Variants in TRIM49B observed in about 807,000 individuals in gnomAD.
TRIM49B encodes the protein putative tripartite motif-containing protein 49B.
TRIM49B carries 18 observed loss-of-function variants against 31.8 expected under a neutral mutation model. That is an observed-to-expected ratio of 0.57 (90% CI 0.39 to 0.84). The LOEUF (loss-of-function observed/expected upper bound fraction) is 0.84, where lower values mean the gene tolerates loss of function less well. TRIM49B is among the 40% of genes least tolerant of loss of function. TRIM49B has a pLI of 0.00. For synonymous variants in TRIM49B, 196 were observed against 180.6 expected (o/e 1.09, Z -0.68); for missense variants, 494 against 538.7 (o/e 0.92, Z 0.82).
chr11:49,035,046 A>G, intron 4 of TRIM49B, 49 bp from the exon 5 acceptor site: 1 of 1,590,728 alleles, frequency 6.3e-7, no homozygotes, highest in Non-Finnish European at 8.6e-7. Flanking sequence ...TTAGTGAAAG[A>G]TGCATCTTGT....
chr11:49,032,498 C>G lies in TRIM49B; in HGVS notation c.507+127C>G. On this transcript the variant is annotated intron_variant, in intron 3 of 6. Transcript: ENST00000332682. ...CAGTAAAAAAAAAAGAAAAAAAAAG[C>G]GAGAGAAAACATTGAGAAAAAGTGG... The G allele has an allele frequency of 2.6e-6, 4 of 1,517,520 alleles. No individual in the cohort carries two copies. In the Admixed American group the frequency reaches 9.7e-5, roughly 37 times the overall value. 94.0% of individuals were successfully genotyped at this position (1,517,520 alleles called of 1,614,324 possible).
chr11:49,031,796 C>T lies in TRIM49B; in HGVS notation c.197C>T (p.Thr66Ile), dbSNP rs2134696193. ...TCAACAGGGCAGATAAACCTCAAAA[C>T]CAACATTCATTTCAAGAAGATGGCT... Reference protein sequence around the residue: ...TKSTGQINLKTNIHFKKMASL... With the variant: ...TKSTGQINLKINIHFKKMASL... Residue 66 changes from threonine (T) to isoleucine (I), a missense_variant, in exon 2 of 7, where the codon ACC becomes ATC. Physicochemically the swap from Thr to Ile is moderately conservative, Grantham distance 89 (BLOSUM62 -1). Coordinates refer to ENST00000332682, the MANE Select transcript of TRIM49B (RefSeq NM_001206626.2). 1 of 1,613,990 alleles carries T rather than the reference C, an allele frequency of 6.2e-7. No individual in the cohort carries two copies. Among genetic ancestry groups the T allele is most frequent in the Non-Finnish European group, 8.5e-7 (1 of 1,179,878 alleles).
intron 1 of TRIM49B, among the ~76,000 whole-genome samples, chr11:49,030,277 C>G (rs1382046588): frequency 6.6e-6 from 1 of 152,118 alleles, no homozygotes; most frequent in African/African-American, 2.4e-5. Context: ...GCGCAGGTTA[C>G]AGTGAGCCGA....
rs1349147581 is a variant in TRIM49B, at chr11:49,037,466, T to C, written c.860-12T>C. 1.3e-6 allele frequency: 2 copies of C among 1,597,592 alleles called. No homozygotes were observed. Among genetic ancestry groups the C allele is most frequent in the African/African-American group, 1.4e-5 (1 of 73,644 alleles). On this transcript the variant is annotated splice_polypyrimidine_tract_variant and intron_variant, in intron 6 of 6. Transcript: ENST00000332682. ...TTTACACGTCTATGCATGTTTTCTC[T>C]TTTTTTTGCAGTGCATATTACTCTG... is the stretch of plus-strand genomic sequence containing the variant.
At chr11:49,029,640 T>C (rs4291676) in intron 1 of TRIM49B, among the ~76,000 whole-genome samples, 122,857 of 152,188 alleles carry the variant, frequency 0.81, 49,911 homozygotes, top group African/African-American at 0.83. Flanking sequence ...GAAGTGATAT[T>C]AAACTAGCAG....
rs772133162 is a variant in TRIM49B, at chr11:49,031,707, G to A, written c.108G>A (p.Arg36=). 1 of 1,613,950 alleles carries A rather than the reference G, an allele frequency of 6.2e-7. No individual in the cohort carries two copies. The highest frequency in any genetic ancestry group is 8.5e-7 in the Non-Finnish European group (1 of 1,179,868). Residue 36 remains arginine (R), a synonymous_variant, in exon 2 of 7, where the codon AGG becomes AGA. Transcript: ENST00000332682. The part of the protein sequence containing the change: ...VTIDCGHSFC[R]PCFYLNWKDS... ...TAGACTGTGGGCACAGCTTTTGCAG[G>A]CCTTGTTTCTACCTCAACTGGAAAG...
rs577170011 is a variant in TRIM49B at position 49,034,257 on chromosome 11, G to T, written c.619G>T (p.Asp207Tyr). The change falls in exon 4 of 7, where the codon GAT becomes TAT. Residue 207 changes from aspartate (D) to tyrosine (Y), a missense_variant. This residue lies in a region of TRIM49B where 10 missense variants were observed against 24.5 expected (regional missense o/e 0.41). Transcript: ENST00000332682. The stretch of plus-strand genomic sequence containing the variant: ...GGAGATGCTGAAAAAGAAGGGGAAA[G>T]ATATTTTTCATCGACTTCATTTAAG... Reference protein sequence around the residue: ...NLEMLKKKGKDIFHRLHLSKA... With the variant: ...NLEMLKKKGKYIFHRLHLSKA... 2 of 1,611,952 alleles carry T rather than the reference G, an allele frequency of 1.2e-6. No individual in the cohort carries two copies. The highest frequency in any genetic ancestry group is 4.5e-5 in the East Asian group (2 of 44,862).
At chr11:49,031,447 A>G in intron 1 of TRIM49B, 149 bp from the exon 2 acceptor site, 1 of 1,422,966 alleles carries the variant, frequency 7.0e-7, no homozygotes, top group South Asian at 1.4e-5. Flanking sequence ...CTATGTGTAA[A>G]TTTTTAAGTT....
chr11:49,036,281 C>A lies in TRIM49B; in HGVS notation c.762-20C>A, dbSNP rs181376455. ...TATTTTATGGCTGTAGATGTTGTAACTGCAGGTTTTTCCTTGCAGGAGTGA... is the reference window on the plus strand; with the variant it reads ...TATTTTATGGCTGTAGATGTTGTAAATGCAGGTTTTTCCTTGCAGGAGTGA... On this transcript the variant is annotated intron_variant, in intron 5 of 6. Transcript: ENST00000332682. The A allele has an allele frequency of 4.8e-4, 744 of 1,565,862 alleles. 4 individuals carry two copies. In the African/African-American group the frequency reaches 9.3e-3, roughly 20 times the overall value.
intron 4 of TRIM49B, 46 bp downstream of exon 4, chr11:49,034,422 A>G (rs755327241): frequency 3.7e-6 from 6 of 1,611,874 alleles, no homozygotes; most frequent in Admixed American, 1.7e-5. Context: ...ATTCACATGT[A>G]TAAGTATTTT....
Position 49,036,110 on chromosome 11 carries a change from G to A in TRIM49B, c.762-191G>A, listed in dbSNP as rs1196575167. Among the ~76,000 whole-genome samples the A allele has an allele frequency of 3.3e-5, 5 of 151,988 alleles. No homozygotes were observed. In the South Asian group the frequency reaches 1.0e-3, roughly 31 times the overall value. Reference sequence around the variant, plus strand: ...AAAAAGAAGGATCAGATTGAATTCTGGCTTAGATTCTTCCATCATGCTTAA... The same window carrying A: ...AAAAAGAAGGATCAGATTGAATTCTAGCTTAGATTCTTCCATCATGCTTAA... On this transcript the variant is annotated intron_variant, in intron 5 of 6. Coordinates refer to ENST00000332682, the MANE Select transcript of TRIM49B (RefSeq NM_001206626.2).
Position 49,031,865 on chromosome 11 carries a change from A to C in TRIM49B, c.266A>C (p.Glu89Ala). Residue 89 changes from glutamate (E) to alanine (A), a missense_variant, in exon 2 of 7, where the codon GAG becomes GCG. Glu to Ala is a moderately radical substitution (Grantham distance 107). This residue lies in a region of TRIM49B where 251 missense variants were observed against 232.8 expected (regional missense o/e 1.08). Coordinates refer to ENST00000332682, the MANE Select transcript of TRIM49B (RefSeq NM_001206626.2). ...AGTCTCTGGCTATTCCTGAGCTCTG[A>C]GGAGCAAATGTGTGGCACTCACAGG... ...KVSLWLFLSS[E>A]EQMCGTHRET... The C allele has an allele frequency of 1.2e-6, 2 of 1,613,792 alleles. No homozygotes were observed. Among genetic ancestry groups the C allele is most frequent in the Non-Finnish European group, 1.7e-6 (2 of 1,179,876 alleles).
intron 1 of TRIM49B, among the ~76,000 whole-genome samples, chr11:49,029,212 A>G (rs998594248): frequency 5.9e-5 from 9 of 152,236 alleles, no homozygotes; most frequent in East Asian, 3.8e-4. Flanking sequence ...ATATGTATTC[A>G]TAATGAATAT....
Position 49,032,330 on chromosome 11 carries a change from A to C in TRIM49B, c.466A>C (p.Arg156=). 6.2e-7 allele frequency: 1 copy of C among 1,613,476 alleles called. No homozygotes were observed. The highest frequency in any genetic ancestry group is 1.1e-5 in the South Asian group (1 of 91,048). ...SLWEKACENH[R]NLNVETTRTR... The stretch of plus-strand genomic sequence containing the variant: ...GTGGGAAAAAGCTTGTGAAAATCAC[A>C]GAAACCTGAATGTGGAAACCACCAG... Residue 156 remains arginine (R), a synonymous_variant, in exon 3 of 7, where the codon AGA becomes CGA. Coordinates refer to ENST00000332682, the MANE Select transcript of TRIM49B (RefSeq NM_001206626.2).
At position 49,032,328 on chromosome 11, in the gene TRIM49B, A is replaced by G. The variant is rs781200105; in HGVS notation, c.464A>G (p.His155Arg). ...QSLWEKACEN[H>R]RNLNVETTRT... ...TTGTGGGAAAAAGCTTGTGAAAATCACAGAAACCTGAATGTGGAAACCACC... is the reference window on the plus strand; with the variant it reads ...TTGTGGGAAAAAGCTTGTGAAAATCGCAGAAACCTGAATGTGGAAACCACC... The change falls in exon 3 of 7, where the codon CAC becomes CGC. Residue 155 changes from histidine (H) to arginine (R), a missense_variant. His to Arg is a conservative substitution (Grantham distance 29). This residue lies in a region of TRIM49B where 251 missense variants were observed against 232.8 expected (regional missense o/e 1.08). Transcript: ENST00000332682. 8.7e-6 allele frequency: 14 copies of G among 1,613,244 alleles called. No individual in the cohort carries two copies. In the African/African-American group the frequency reaches 1.7e-4, roughly 20 times the overall value.
chr11:49,036,561 C>T (rs2696916), intron 6 of TRIM49B, among the ~76,000 whole-genome samples, 163 bp downstream of exon 6: 89,271 of 151,308 alleles, frequency 0.59, 27,428 homozygotes, highest in Non-Finnish European at 0.68. Flanking sequence ...TATTTACAGT[C>T]AGATTTATAG....
At chr11:49,030,171 TA>T (rs1381827407) in intron 1 of TRIM49B, among the ~76,000 whole-genome samples, 2 of 151,608 alleles carry the variant, frequency 1.3e-5, no homozygotes, top group African/African-American at 4.8e-5. Flanking sequence ...CCATCTCTAC[TA>T]AAAAAAATAC....
At chr11:49,033,467 A>G (rs531134179) in intron 3 of TRIM49B, among the ~76,000 whole-genome samples, 20 of 61,980 alleles carry the variant, frequency 3.2e-4, no homozygotes, top group African/African-American at 8.1e-4. Context: ...GGTTGTGTGT[A>G]TATATATATA....
chr11:49,038,113 C>T lies in TRIM49B; in HGVS notation c.*136C>T. On this transcript the variant is annotated 3_prime_UTR_variant, in exon 7 of 7. Transcript: ENST00000332682. ...GAATTGCCTTCTAATGTTATCAAAA[C>T]TCATTTATTGTGTTACTATTAAATA... 6.6e-7 allele frequency: 1 copy of T among 1,517,850 alleles called. No individual in the cohort carries two copies. Among genetic ancestry groups the T allele is most frequent in the Non-Finnish European group, 8.8e-7 (1 of 1,135,852 alleles). The allele number at this position is 1,517,850 out of a possible 1,614,324, so 94.0% of individuals were successfully genotyped here.
Sources: gnomAD v4.1 joint callset for allele counts (sites outside exome capture counted in the v4.1 genomes callset) on GRCh38, gnomAD v4.1.1 for gene constraint, gnomAD v4.1.1 regional missense constraint, MANE v1.5 for transcripts, NCBI Gene and HGNC (gene_info 2026-07-23, HGNC 2026-07-21) for gene names.